Variants in CAMSAP1 observed in about 807,000 individuals in gnomAD.
CAMSAP1 encodes calmodulin-regulated spectrin-associated protein 1.
In CAMSAP1, 58 loss-of-function variants were observed where a neutral mutation model predicts 143.5. The observed-to-expected ratio is 0.40, with a 90% CI of 0.33 to 0.50. The LOEUF is 0.50. CAMSAP1 is among the 20% of genes least tolerant of loss of function. CAMSAP1 has a pLI of 0.45. For missense variants in CAMSAP1, 1,969 were observed against 2,115.7 expected (o/e 0.93, Z 1.36); for synonymous variants, 945 against 859.3 (o/e 1.10, Z -1.74).
chr9:135,856,047 AG>A (rs551868576), intron 5 of CAMSAP1, among the ~76,000 whole-genome samples: 28 of 152,178 alleles, frequency 1.8e-4, no homozygotes, highest in Non-Finnish European at 4.0e-4. Context: ...GTGAGACTCC[AG>A]TCTCAAAAAA....
intron 1 of CAMSAP1, among the ~76,000 whole-genome samples, chr9:135,890,852 G>A (rs909477067): frequency 2.6e-5 from 4 of 152,196 alleles, no homozygotes; most frequent in African/African-American, 7.2e-5. Flanking sequence ...AACAGTAACA[G>A]AAGCAAGCTC....
intron 7 of CAMSAP1, among the ~76,000 whole-genome samples, chr9:135,839,280 T>C (rs1453001318): frequency 1.3e-5 from 2 of 152,214 alleles, no homozygotes; most frequent in Non-Finnish European, 2.9e-5. Flanking sequence ...GCCTGCCACA[T>C]GCATATGAAT....
intron 5 of CAMSAP1, among the ~76,000 whole-genome samples, chr9:135,852,246 CCTT>C (rs1382714210): frequency 6.6e-6 from 1 of 152,182 alleles, no homozygotes; most frequent in Admixed American, 6.5e-5. Flanking sequence ...GGATGACAGT[CCTT>C]CATCAGGTCA....
intron 1 of CAMSAP1, among the ~76,000 whole-genome samples, chr9:135,897,916 G>C (rs1838506241): frequency 6.6e-6 from 1 of 152,096 alleles, no homozygotes; most frequent in South Asian, 2.1e-4. Context: ...AATGAACTAA[G>C]ACAATGAGTC....
intron 3 of CAMSAP1, among the ~76,000 whole-genome samples, chr9:135,876,478 T>C (rs765798029): frequency 3.3e-5 from 5 of 152,112 alleles, no homozygotes; most frequent in Non-Finnish European, 7.4e-5. Context: ...TAGGAAAACA[T>C]TAAAACGACA....
rs1284141992 is a variant in CAMSAP1 at position 135,820,921 on chromosome 9, T to A, written c.3740A>T (p.Asp1247Val). Residue 1247 changes from aspartate to valine, a missense_variant, in exon 11 of 17, where the codon GAT becomes GTT. This residue lies in a region of CAMSAP1 where 1,390 missense variants were observed against 1,420.8 expected (regional missense o/e 0.98). Transcript: ENST00000389532. The surrounding 1 kb of genome is among the most constrained non-coding windows in gnomAD (Gnocchi z 4.4). ...GCCATCGAGGCTTACCAGCTCCCCATCCTCGTCGGGGGCCTTCAGGTCGGA... is the reference window on the plus strand; with the variant it reads ...GCCATCGAGGCTTACCAGCTCCCCAACCTCGTCGGGGGCCTTCAGGTCGGA... ...DLSDLKAPDE[D>V]GELVSLDGSA... The A allele has an allele frequency of 1.9e-6, 3 of 1,613,634 alleles. No homozygotes were observed. Among genetic ancestry groups the A allele is most frequent in the African/African-American group, 2.7e-5 (2 of 74,904 alleles).
chr9:135,815,296 GAAGC>G, intron 15 of CAMSAP1, 81 bp from the exon 16 acceptor site: 1 of 844,626 alleles, frequency 1.2e-6, no homozygotes. Context: ...CAATGTCTTA[GAAGC>G]AAGCAATGGG....
At chr9:135,828,194 C>A (rs1047101593) in intron 7 of CAMSAP1, among the ~76,000 whole-genome samples, 3 of 152,262 alleles carry the variant, frequency 2.0e-5, no homozygotes, top group African/African-American at 4.8e-5. Flanking sequence ...AAAGGGTCAG[C>A]CCCAAACAGT....
chr9:135,883,507 G>C (rs562316859), intron 1 of CAMSAP1, among the ~76,000 whole-genome samples: 1 of 152,220 alleles, frequency 6.6e-6, no homozygotes, highest in Non-Finnish European at 1.5e-5. Context: ...AGCGGAGACA[G>C]CATGTGGGCA....
intron 3 of CAMSAP1, among the ~76,000 whole-genome samples, chr9:135,876,718 TAAA>T (rs1180656822): frequency 1.3e-5 from 2 of 152,062 alleles, no homozygotes; most frequent in African/African-American, 2.4e-5. Flanking sequence ...CTTAAAGAAA[TAAA>T]AATATTGCTG....
intron 5 of CAMSAP1, among the ~76,000 whole-genome samples, chr9:135,851,851 T>C (rs1836794479): frequency 1.3e-5 from 2 of 152,210 alleles, no homozygotes; most frequent in South Asian, 2.1e-4. Context: ...GCGTGTGCTG[T>C]CTATGCGTGT....
chr9:135,877,122 GA>G (rs1564453829), intron 3 of CAMSAP1, among the ~76,000 whole-genome samples: 1 of 151,992 alleles, frequency 6.6e-6, no homozygotes, highest in African/African-American at 2.4e-5. Flanking sequence ...ACAGATAAAC[GA>G]ACCATGGTAT....
In CAMSAP1 at chr9:135,822,380, A is replaced by T. The variant is rs1835504976; in HGVS notation, c.2281T>A (p.Phe761Ile). 1 of 1,613,858 alleles carries T rather than the reference A, an allele frequency of 6.2e-7. No homozygotes were observed. Among genetic ancestry groups the T allele is most frequent in the Non-Finnish European group, 8.5e-7 (1 of 1,179,902 alleles). Residue 761 changes from phenylalanine to isoleucine, a missense_variant, in exon 11 of 17, where the codon TTC becomes ATC. This residue lies in a region of CAMSAP1 where 1,390 missense variants were observed against 1,420.8 expected (regional missense o/e 0.98). Coordinates refer to ENST00000389532, the MANE Select transcript of CAMSAP1 (RefSeq NM_015447.4). The surrounding 1 kb of genome is among the most constrained non-coding windows in gnomAD (Gnocchi z 6.1). ...TCTTCCTCCCCAATGTATCTGCTGA[A>T]AACCACAGGATGGGCCTCACCCATG... is the stretch of plus-strand genomic sequence containing the variant. ...DFMGEAHPVV[F>I]SRYIGEEESA... is the part of the protein sequence containing the mutation.
intron 3 of CAMSAP1, among the ~76,000 whole-genome samples, chr9:135,878,737 G>A (rs983040202): frequency 1.3e-4 from 20 of 152,208 alleles, no homozygotes; most frequent in South Asian, 8.3e-4. Flanking sequence ...CTACACACCC[G>A]GGCATTCACA....
intron 5 of CAMSAP1, 52 bp from the exon 6 acceptor site, chr9:135,850,513 G>A: frequency 2.8e-6 from 4 of 1,417,570 alleles, no homozygotes; most frequent in Admixed American, 2.5e-5. Context: ...TCTGCTTCGA[G>A]AGAGAGAGAA....
At position 135,824,062 on chromosome 9, in the gene CAMSAP1, T is replaced by TA; in HGVS notation, c.1316-29dup. Reference sequence around the variant, plus strand: ...GCAGTACAGAGGAATTAGATAGTGTTAAGTAACCAATTTTCTATCACTTGA... The same window carrying TA: ...GCAGTACAGAGGAATTAGATAGTGTTAAAGTAACCAATTTTCTATCACTTGA... On this transcript the variant is annotated intron_variant, in intron 9 of 16. Coordinates refer to ENST00000389532, the MANE Select transcript of CAMSAP1 (RefSeq NM_015447.4). This position sits in a 1 kb window ranked among gnomAD's most constrained non-coding sequence, Gnocchi z 4.1. 1.3e-6 allele frequency: 2 copies of TA among 1,540,214 alleles called. No homozygotes were observed. Among genetic ancestry groups the TA allele is most frequent in the Non-Finnish European group, 1.8e-6 (2 of 1,134,068 alleles).
At position 135,824,462 on chromosome 9, in the gene CAMSAP1, C is replaced by T. The variant is rs773530693; in HGVS notation, c.1315+327G>A. 6.6e-5 allele frequency among the ~76,000 whole-genome samples: 10 copies of T among 152,236 alleles called. No individual in the cohort carries two copies. Among genetic ancestry groups the T allele is most frequent in the South Asian group, 6.2e-4 (3 of 4,814 alleles). On this transcript the variant is annotated intron_variant, in intron 9 of 16. Coordinates refer to ENST00000389532, the MANE Select transcript of CAMSAP1 (RefSeq NM_015447.4). The surrounding 1 kb of genome is among the most constrained non-coding windows in gnomAD (Gnocchi z 4.1). ...TGGGCAGATCATGAGGCTAGGAGAT[C>T]GAGACCATCCTGGCCGACATGATGA...
chr9:135,834,641 G>A (rs1461300577), intron 7 of CAMSAP1, among the ~76,000 whole-genome samples: 1 of 152,156 alleles, frequency 6.6e-6, no homozygotes, highest in Non-Finnish European at 1.5e-5. Flanking sequence ...TGGAGGGTGA[G>A]GGGAACAGGG....
At chr9:135,906,368 G>A (rs563943636) in intron 1 of CAMSAP1, among the ~76,000 whole-genome samples, 1 of 152,324 alleles carries the variant, frequency 6.6e-6, no homozygotes, top group Admixed American at 6.5e-5. Flanking sequence ...GAATCACTAG[G>A]TCTGTCCTGT....
Sources: allele counts gnomAD v4.1 joint callset (sites outside exome capture counted in the v4.1 genomes callset), GRCh38; gene constraint gnomAD v4.1.1; regional missense constraint gnomAD v4.1.1; non-coding constraint Gnocchi (gnomAD v3.1); transcripts MANE v1.5; gene names NCBI Gene and HGNC (gene_info 2026-07-23, HGNC 2026-07-21).